PRKCH: variants seen among roughly 807,000 people sequenced by gnomAD.
PRKCH encodes protein kinase C eta.
In PRKCH, 28 loss-of-function variants were observed where a neutral mutation model predicts 82.5. The observed-to-expected ratio is 0.34, with a 90% CI of 0.25 to 0.47. The LOEUF is 0.47. Ranked by LOEUF, PRKCH falls within the 20% of genes least tolerant of loss-of-function variation. The pLI is 1.00. For missense variants in PRKCH, 705 were observed against 881.8 expected (o/e 0.80, Z 2.54); for synonymous variants, 322 against 327.4 (o/e 0.98, Z 0.18).
intron 2 of PRKCH, among the ~76,000 whole-genome samples, chr14:61,420,552 T>A (rs1248181910): frequency 6.6e-6 from 1 of 152,200 alleles, no homozygotes; most frequent in Admixed American, 6.5e-5. Context: ...ACAGCTCAAG[T>A]GCAGTGTGAA....
At chr14:61,297,406 T>G (rs546618130) in intron 1 of PRKCH, among the ~76,000 whole-genome samples, 48 of 152,280 alleles carry the variant, frequency 3.2e-4, no homozygotes, top group African/African-American at 1.1e-3. Context: ...CTGAGTCAAA[T>G]GAGAGAATAC....
chr14:61,469,643 A>G (rs1477184927), intron 9 of PRKCH, among the ~76,000 whole-genome samples: 1 of 152,214 alleles, frequency 6.6e-6, no homozygotes, highest in Non-Finnish European at 1.5e-5. Context: ...CATACCCTGT[A>G]ATATGTTCTA....
Position 61,279,720 on chromosome 14 carries a change from C to T in PRKCH, c.-19+92052C>T, listed in dbSNP as rs150011295. 1.0e-4 allele frequency: 20 copies of T among 200,130 alleles called. No homozygotes were observed. In the East Asian group the frequency reaches 2.5e-3, roughly 25 times the overall value. 12.4% of individuals were successfully genotyped at this position (200,130 alleles called of 1,614,324 possible). On this transcript the variant is annotated intron_variant, in intron 1 of 3. Transcript: ENST00000555185. ...CTCAAGATTCAGGAGTCACTTGCAGCTGCCTGATCTTTGTTACTTCACATT... is the reference window on the plus strand; with the variant it reads ...CTCAAGATTCAGGAGTCACTTGCAGTTGCCTGATCTTTGTTACTTCACATT...
intron 1 of PRKCH, among the ~76,000 whole-genome samples, chr14:61,385,054 G>A (rs1001543214): frequency 7.2e-5 from 11 of 152,004 alleles, no homozygotes; most frequent in African/African-American, 2.7e-4. Flanking sequence ...TGTTATCTGG[G>A]TTTCAACAAG....
intron 1 of PRKCH, among the ~76,000 whole-genome samples, chr14:61,342,171 G>A (rs1355351252): frequency 6.6e-6 from 1 of 151,938 alleles, no homozygotes; most frequent in Non-Finnish European, 1.5e-5. Flanking sequence ...CTGAACAGGA[G>A]TGCCAAACTC....
chr14:61,500,228 C>T (rs983472312), intron 10 of PRKCH, among the ~76,000 whole-genome samples: 5 of 151,618 alleles, frequency 3.3e-5, no homozygotes, highest in Admixed American at 2.0e-4. Context: ...TTTTGAGACA[C>T]GGTCTCCCTC....
At chr14:61,246,016 C>A (rs992504716) in intron 1 of PRKCH, among the ~76,000 whole-genome samples, 14 of 152,050 alleles carry the variant, frequency 9.2e-5, no homozygotes, top group African/African-American at 2.9e-4. Flanking sequence ...GATATAAGAC[C>A]CTCTTTAGGA....
At chr14:61,538,608 G>C (rs1384250499) in intron 12 of PRKCH, among the ~76,000 whole-genome samples, 1 of 152,198 alleles carries the variant, frequency 6.6e-6, no homozygotes, top group African/African-American at 2.4e-5. Context: ...ATCCCTGCCA[G>C]GAAGATAAAG....
intron 2 of PRKCH, among the ~76,000 whole-genome samples, chr14:61,433,468 T>G (rs1230583143): frequency 6.6e-6 from 1 of 152,134 alleles, no homozygotes; most frequent in African/African-American, 2.4e-5. Context: ...AAGATTTTGG[T>G]TGGACAGGTT....
chr14:61,453,080 G>A (rs1317206124), intron 6 of PRKCH, 146 bp from the exon 7 acceptor site: 4 of 1,000,052 alleles, frequency 4.0e-6, no homozygotes, highest in African/African-American at 3.3e-5. Context: ...TATTACTAGT[G>A]TGAGCTTAAT....
intron 2 of PRKCH, among the ~76,000 whole-genome samples, chr14:61,397,039 G>A (rs2046796629): frequency 6.6e-6 from 1 of 152,184 alleles, no homozygotes; most frequent in East Asian, 1.9e-4. Context: ...GGGTGGGGAA[G>A]GGGTGTTAGT....
At chr14:61,188,196 A>G (rs535055803) in intron 1 of PRKCH, among the ~76,000 whole-genome samples, 7 of 152,394 alleles carry the variant, frequency 4.6e-5, no homozygotes, top group African/African-American at 1.7e-4. Flanking sequence ...CGGGGCACCC[A>G]TAACTGTCCT....
chr14:61,547,654 G>A, intron 12 of PRKCH, 89 bp from the exon 13 acceptor site: 3 of 1,497,830 alleles, frequency 2.0e-6, no homozygotes, highest in South Asian at 2.6e-5. Context: ...GTCTCGCACA[G>A]CTCCTCTGCC....
chr14:61,466,585 A>C (rs1262103171), intron 9 of PRKCH, among the ~76,000 whole-genome samples: 1 of 152,224 alleles, frequency 6.6e-6, no homozygotes, highest in African/African-American at 2.4e-5. Context: ...TCGGAGACCC[A>C]GTTTATGGAA....
intron 1 of PRKCH, among the ~76,000 whole-genome samples, chr14:61,291,266 A>G (rs1405248190): frequency 6.6e-6 from 1 of 151,928 alleles, no homozygotes; most frequent in Non-Finnish European, 1.5e-5. Flanking sequence ...ATTTAGAGCA[A>G]CTGGCCCTTC....
At chr14:61,535,636 G>A (rs546482445) in intron 12 of PRKCH, among the ~76,000 whole-genome samples, 44 of 152,128 alleles carry the variant, frequency 2.9e-4, no homozygotes, top group Non-Finnish European at 4.6e-4. Flanking sequence ...TAGGTCACGC[G>A]AAGGAGTCTA....
At chr14:61,199,205 A>T (rs2140037385) in intron 1 of PRKCH, among the ~76,000 whole-genome samples, 1 of 152,368 alleles carries the variant, frequency 6.6e-6, no homozygotes, top group South Asian at 2.1e-4. Context: ...CAAAATCACC[A>T]TGACATTTAG....
In PRKCH at chr14:61,272,340, C is replaced by CTTTTTTTTTTTTTTTTTTTTTTTTTT. The variant is rs1335053986; in HGVS notation, c.-19+84675_-19+84676insTTTTTTTTTTTTTTTTTTTTTTTTTT. Among the ~76,000 whole-genome samples the CTTTTTTTTTTTTTTTTTTTTTTTTTT allele has an allele frequency of 4.1e-5, 4 of 97,838 alleles. 2 individuals carry two copies. Among genetic ancestry groups the CTTTTTTTTTTTTTTTTTTTTTTTTTT allele is most frequent in the African/African-American group, 8.0e-5 (2 of 24,948 alleles). 64.2% of individuals were successfully genotyped at this position (97,838 alleles called of 152,430 possible). Reference sequence around the variant, plus strand: ...TAGATTTCTTTTTCTTTTCTTTTTTCTTTCTTTTTTTTTTTTTTTTTTTTT... The same window carrying CTTTTTTTTTTTTTTTTTTTTTTTTTT: ...TAGATTTCTTTTTCTTTTCTTTTTTCTTTTTTTTTTTTTTTTTTTTTTTTTTTTTCTTTTTTTTTTTTTTTTTTTTT... On this transcript the variant is annotated intron_variant, in intron 1 of 3. Transcript: ENST00000555185.
At chr14:61,490,381 A>G (rs1886403118) in intron 10 of PRKCH, among the ~76,000 whole-genome samples, 1 of 152,226 alleles carries the variant, frequency 6.6e-6, no homozygotes, top group African/African-American at 2.4e-5. Context: ...GAAGAGTAGC[A>G]ATCTCACTCG....
Sources: allele counts gnomAD v4.1 joint callset (sites outside exome capture counted in the v4.1 genomes callset), GRCh38; gene constraint gnomAD v4.1.1; transcripts MANE v1.5; gene names NCBI Gene and HGNC (gene_info 2026-07-23, HGNC 2026-07-21).